The following LIMS1 variants were observed in gnomAD, a reference collection of about 807,000 sequenced individuals.
The protein encoded by LIMS1 is LIM and senescent cell antigen-like-containing domain protein 1.
Under a neutral mutation model 44.1 loss-of-function variants are expected in LIMS1, and 18 were observed. The observed-to-expected ratio is 0.41, with a 90% CI of 0.28 to 0.61. The LOEUF is 0.61. LIMS1 is among the 20% of genes least tolerant of loss of function. The pLI is 0.32. For missense variants in LIMS1, 201 were observed against 422.0 expected (o/e 0.48, Z 4.59); for synonymous variants, 93 against 149.1 (o/e 0.62, Z 2.74).
chr2:108,613,426 A>C (rs1687766333), intron 1 of LIMS1, among the ~76,000 whole-genome samples: 1 of 152,158 alleles, frequency 6.6e-6, no homozygotes, highest in South Asian at 2.1e-4. Context: ...GAATGTGGGG[A>C]GAAACGTTAG....
intron 1 of LIMS1, among the ~76,000 whole-genome samples, chr2:108,581,724 G>A (rs567764314): frequency 6.6e-6 from 1 of 152,078 alleles, no homozygotes; most frequent in African/African-American, 2.4e-5. Context: ...GATCACCTGA[G>A]GTCAGGAGTT....
chr2:108,682,741 C>G (rs1189995720), intron 9 of LIMS1, among the ~76,000 whole-genome samples: 1 of 152,086 alleles, frequency 6.6e-6, no homozygotes, highest in Non-Finnish European at 1.5e-5. Flanking sequence ...TTAAAATGAT[C>G]TTGAAGCAAA....
intron 3 of LIMS1, 181 bp downstream of exon 3, chr2:108,671,028 G>C (rs1692130176): frequency 8.1e-6 from 6 of 743,066 alleles, no homozygotes; most frequent in Middle Eastern, 4.1e-4. Context: ...AAAATTAACT[G>C]GGCATGGTGG....
intron 1 of LIMS1, among the ~76,000 whole-genome samples, chr2:108,545,290 G>C (rs1361379569): frequency 1.3e-5 from 2 of 152,192 alleles, no homozygotes; most frequent in African/African-American, 4.8e-5. Context: ...CAGGAGTGCA[G>C]TGGCTTGATG....
intron 8 of LIMS1, among the ~76,000 whole-genome samples, chr2:108,680,167 G>A (rs1262344737): frequency 1.3e-5 from 2 of 151,874 alleles, no homozygotes; most frequent in East Asian, 1.9e-4. Flanking sequence ...TCAAGAGATT[G>A]AGACCATCTT....
At chr2:108,669,910 A>G (rs2433821) in intron 2 of LIMS1, among the ~76,000 whole-genome samples, 15 of 152,218 alleles carry the variant, frequency 9.9e-5, no homozygotes, top group African/African-American at 2.7e-4. Context: ...AAAAATTAAT[A>G]TTTGTGTCTT....
intron 1 of LIMS1, among the ~76,000 whole-genome samples, chr2:108,621,774 T>G (rs998364049): frequency 2.6e-5 from 4 of 152,208 alleles, no homozygotes; most frequent in African/African-American, 7.2e-5. Flanking sequence ...ATTTTTCCAC[T>G]TAGTTTAAAG....
intron 1 of LIMS1, among the ~76,000 whole-genome samples, chr2:108,581,773 A>C (rs1040669056): frequency 3.3e-5 from 5 of 152,074 alleles, no homozygotes; most frequent in African/African-American, 1.2e-4. Flanking sequence ...CCCCATCGCT[A>C]CTAAAAATAC....
chr2:108,646,705 GTTTTA>G (rs1433656210), intron 1 of LIMS1, among the ~76,000 whole-genome samples: 1 of 152,104 alleles, frequency 6.6e-6, no homozygotes, highest in Non-Finnish European at 1.5e-5. Flanking sequence ...GTTTTGTTTT[GTTTTA>G]TTTTGTTTTG....
intron 1 of LIMS1, among the ~76,000 whole-genome samples, chr2:108,586,199 A>AC (rs1214300786): frequency 1.7e-4 from 25 of 147,630 alleles, no homozygotes; most frequent in African/African-American, 5.3e-4. Flanking sequence ...CTCAAAACAC[A>AC]AAAAAAAACA....
intron 1 of LIMS1, among the ~76,000 whole-genome samples, chr2:108,624,816 C>T (rs932047919): frequency 1.3e-5 from 2 of 151,998 alleles, no homozygotes; most frequent in South Asian, 4.1e-4. Flanking sequence ...CGGTGGCTCA[C>T]GCCTATAATC....
chr2:108,610,997 A>G lies in LIMS1; in HGVS notation c.33-48608A>G, dbSNP rs78670944. Among the ~76,000 whole-genome samples, 1,379 of 152,200 alleles carry G rather than the reference A, an allele frequency of 9.1e-3. 28 individuals carry two copies. Among genetic ancestry groups the G allele is most frequent in the African/African-American group, 0.032 (1,326 of 41,538 alleles). On this transcript the variant is annotated intron_variant, in intron 1 of 9. Transcript: ENST00000544547. ...ATCATGTCTTTTTTCTATGCCATCA[A>G]TCAGTCGAGGATACCACATTGTGTT...
intron 1 of LIMS1, among the ~76,000 whole-genome samples, chr2:108,633,192 TA>T (rs145103092): frequency 0.018 from 2,759 of 152,366 alleles, 38 homozygotes; most frequent in Non-Finnish European, 0.025. Context: ...TTGGTGAGGT[TA>T]TTTTTATGTA....
At chr2:108,650,913 G>A (rs1359068780) in intron 1 of LIMS1, among the ~76,000 whole-genome samples, 1 of 152,076 alleles carries the variant, frequency 6.6e-6, no homozygotes, top group Non-Finnish European at 1.5e-5. Flanking sequence ...CTGATGGTGG[G>A]CTGGATACTT....
intron 1 of LIMS1, among the ~76,000 whole-genome samples, chr2:108,578,166 C>G (rs530143432): frequency 1.3e-5 from 2 of 152,332 alleles, no homozygotes; most frequent in East Asian, 3.9e-4. Flanking sequence ...GCCTTGGCCT[C>G]CCAAAGTGCT....
At chr2:108,656,333 A>AGATC (rs1288944666) in intron 1 of LIMS1, among the ~76,000 whole-genome samples, 1 of 151,794 alleles carries the variant, frequency 6.6e-6, no homozygotes, top group Non-Finnish European at 1.5e-5. Flanking sequence ...ATAGATAGAT[A>AGATC]GATAGATAGA....
At chr2:108,631,892 T>G (rs1688950716) in intron 1 of LIMS1, among the ~76,000 whole-genome samples, 1 of 152,196 alleles carries the variant, frequency 6.6e-6, no homozygotes, top group African/African-American at 2.4e-5. Context: ...AGATTTGTCT[T>G]TCTCCTTCTT....
intron 1 of LIMS1, among the ~76,000 whole-genome samples, chr2:108,581,342 T>TA (rs1306741321): frequency 2.0e-5 from 3 of 152,176 alleles, no homozygotes; most frequent in Non-Finnish European, 4.4e-5. Context: ...ACAAGGTACC[T>TA]AAAAAAAGGC....
At chr2:108,553,305 C>G (rs114992983) in intron 1 of LIMS1, among the ~76,000 whole-genome samples, 1 of 152,256 alleles carries the variant, frequency 6.6e-6, no homozygotes, top group Non-Finnish European at 1.5e-5. Context: ...GTGCTTTTAA[C>G]TGTTGGTCCT....
Sources: gnomAD v4.1 joint callset for allele counts (sites outside exome capture counted in the v4.1 genomes callset) on GRCh38, gnomAD v4.1.1 for gene constraint, MANE v1.5 for transcripts, NCBI Gene and HGNC (gene_info 2026-07-23, HGNC 2026-07-21) for gene names.